RBM46: variants seen among roughly 807,000 people sequenced by gnomAD.
The protein encoded by RBM46 is RNA binding motif protein 46.
Under a neutral mutation model 43.3 loss-of-function variants are expected in RBM46, and 12 were observed. The observed-to-expected ratio is 0.28, with a 90% CI of 0.18 to 0.45. The LOEUF is 0.45. Ranked by LOEUF, RBM46 falls within the 20% of genes least tolerant of loss-of-function variation. RBM46 has a pLI of 1.00. For synonymous variants in RBM46, 205 were observed against 207.6 expected (o/e 0.99, Z 0.11); for missense variants, 412 against 639.1 (o/e 0.64, Z 3.83).
At chr4:154,819,333 T>C (rs1735614854) in intron 4 of RBM46, among the ~76,000 whole-genome samples, 1 of 152,192 alleles carries the variant, frequency 6.6e-6, no homozygotes, top group Non-Finnish European at 1.5e-5. Context: ...AGTAGCTCTT[T>C]AGTTCTAGTT....
At chr4:154,790,393 T>G (rs2111104262) in intron 1 of RBM46, 1 of 152,276 alleles carries the variant, frequency 6.6e-6, no homozygotes, top group South Asian at 2.1e-4. Context: ...CTTAAATGGA[T>G]TTTTGGAGCC....
rs758537598 is a variant in RBM46 at position 154,796,856 on chromosome 4, A to G, written c.104A>G (p.Asn35Ser). The part of the protein sequence containing the change: ...LLALMEKTGY[N>S]MVQENGQRKF... ...GCTTTGATGGAAAAGACTGGTTACA[A>G]CATGGTTCAGGAAAATGGACAAAGG... Residue 35 changes from asparagine (N) to serine (S), a missense_variant, in exon 2 of 5, where the codon AAC becomes AGC. By Grantham distance (46) the Asn-to-Ser change is conservative (BLOSUM62 1). Around this residue, in one of 8 missense-constraint regions of RBM46, gnomAD observed 27 missense variants for 115.8 expected, o/e 0.23. Transcript: ENST00000281722. The G allele has an allele frequency of 1.2e-6, 2 of 1,614,000 alleles. No homozygotes were observed. The highest frequency in any genetic ancestry group is 2.2e-5 in the East Asian group (1 of 44,870).
At chr4:154,812,034 T>TA (rs910434040) in intron 4 of RBM46, among the ~76,000 whole-genome samples, 13 of 150,944 alleles carry the variant, frequency 8.6e-5, no homozygotes, top group African/African-American at 3.2e-4. Flanking sequence ...TTTTTTTTTT[T>TA]AACAAACAGG....
At chr4:154,816,710 G>A (rs1735461571) in intron 4 of RBM46, among the ~76,000 whole-genome samples, 1 of 151,036 alleles carries the variant, frequency 6.6e-6, no homozygotes, top group Non-Finnish European at 1.5e-5. Flanking sequence ...TTACTGCACT[G>A]GCTAGAACTA....
At chr4:154,812,438 G>A (rs1735224975) in intron 4 of RBM46, among the ~76,000 whole-genome samples, 1 of 152,032 alleles carries the variant, frequency 6.6e-6, no homozygotes, top group Non-Finnish European at 1.5e-5. Context: ...ATTTACCCTA[G>A]GATCAGCATT....
intron 4 of RBM46, among the ~76,000 whole-genome samples, chr4:154,801,534 C>G (rs1734640050): frequency 6.6e-6 from 1 of 152,086 alleles, no homozygotes; most frequent in African/African-American, 2.4e-5. Context: ...AAAAATGGGT[C>G]TAAATATTAT....
intron 4 of RBM46, among the ~76,000 whole-genome samples, chr4:154,824,052 C>G (rs1439762004): frequency 6.6e-6 from 1 of 150,972 alleles, no homozygotes; most frequent in Non-Finnish European, 1.5e-5. Flanking sequence ...AACATTTGAT[C>G]AGGTTTTCTA....
chr4:154,793,774 G>T (rs1287744754), intron 1 of RBM46, among the ~76,000 whole-genome samples: 1 of 152,188 alleles, frequency 6.6e-6, no homozygotes, highest in African/African-American at 2.4e-5. Context: ...GTATTAGTTT[G>T]CTGGAGTTTA....
intron 1 of RBM46, among the ~76,000 whole-genome samples, chr4:154,782,738 C>T (rs1422514713): frequency 6.6e-6 from 1 of 152,202 alleles, no homozygotes; most frequent in Non-Finnish European, 1.5e-5. Context: ...GCTTCGGCCT[C>T]CCCAAGTGCT....
intron 4 of RBM46, among the ~76,000 whole-genome samples, chr4:154,817,862 TTTC>T (rs1444295174): frequency 3.3e-5 from 5 of 152,162 alleles, no homozygotes; most frequent in Middle Eastern, 3.4e-3. Flanking sequence ...TTATTTTGAC[TTTC>T]TTTTCTTTAG....
intron 4 of RBM46, chr4:154,827,487 G>A (rs2111229953): frequency 1.0e-6 from 1 of 1,004,136 alleles, no homozygotes; most frequent in African/African-American, 1.7e-5. Context: ...AAGCAAATAT[G>A]AATTCACTGT....
chr4:154,819,385 A>G (rs1309581654), intron 4 of RBM46, among the ~76,000 whole-genome samples: 2 of 152,122 alleles, frequency 1.3e-5, no homozygotes, highest in Non-Finnish European at 2.9e-5. Context: ...ACCTTCTGTT[A>G]ATTCCCAAGA....
intron 4 of RBM46, among the ~76,000 whole-genome samples, chr4:154,802,807 G>A (rs1032060039): frequency 9.9e-5 from 15 of 151,992 alleles, no homozygotes; most frequent in African/African-American, 3.6e-4. Context: ...ATTTGCCTCA[G>A]TATCCTTATT....
chr4:154,810,242 C>G (rs1287657901), intron 4 of RBM46, among the ~76,000 whole-genome samples: 1 of 152,078 alleles, frequency 6.6e-6, no homozygotes, highest in Non-Finnish European at 1.5e-5. Context: ...TCTTTCTACT[C>G]TAGAGAGTCT....
At chr4:154,788,390 C>T (rs967275559) in intron 1 of RBM46, among the ~76,000 whole-genome samples, 1 of 152,178 alleles carries the variant, frequency 6.6e-6, no homozygotes, top group African/African-American at 2.4e-5. Context: ...GATCCAGTTT[C>T]AGCTTTCTCC....
intron 4 of RBM46, among the ~76,000 whole-genome samples, chr4:154,809,200 A>G (rs1426273353): frequency 6.6e-6 from 1 of 151,582 alleles, no homozygotes; most frequent in African/African-American, 2.4e-5. Context: ...TTTCTTATTT[A>G]TGTATTTTTT....
rs1186984712 is a variant in RBM46 at position 154,811,700 on chromosome 4, T to TGTGTGTGA, written c.1402+12137_1402+12138insTGTGTGAG. Among the ~76,000 whole-genome samples the TGTGTGTGA allele has an allele frequency of 4.5e-4, 68 of 150,166 alleles. 1 individual carries two copies. The highest frequency in any genetic ancestry group is 1.4e-3 in the East Asian group (7 of 5,044). ...GTGTGTGTGTGTGTGTGTGTGTGTG[T>TGTGTGTGA]GACAGAGTTTCGCTGTGTCACCCAG... On this transcript the variant is annotated intron_variant, in intron 4 of 4. Coordinates refer to ENST00000281722, the MANE Select transcript of RBM46 (RefSeq NM_144979.5).
intron 4 of RBM46, among the ~76,000 whole-genome samples, chr4:154,803,658 A>C (rs2111155061): frequency 6.9e-6 from 1 of 145,338 alleles, no homozygotes; most frequent in South Asian, 2.3e-4. Flanking sequence ...AGCCGACATC[A>C]AGCCACTGCA....
intron 4 of RBM46, among the ~76,000 whole-genome samples, chr4:154,801,874 A>G (rs549910767): frequency 2.0e-5 from 3 of 152,288 alleles, no homozygotes; most frequent in East Asian, 3.9e-4. Flanking sequence ...TTTCAACTTA[A>G]TTATGGTTAA....
Sources: allele counts gnomAD v4.1 joint callset (sites outside exome capture counted in the v4.1 genomes callset), GRCh38; gene constraint gnomAD v4.1.1; regional missense constraint gnomAD v4.1.1; transcripts MANE v1.5; gene names NCBI Gene and HGNC (gene_info 2026-07-23, HGNC 2026-07-21).